ADGRB3: variants seen among roughly 807,000 people sequenced by gnomAD.
ADGRB3 encodes the protein brain-specific angiogenesis inhibitor 3.
A neutral mutation model predicts 193.4 loss-of-function variants in ADGRB3; 37 were observed. That is an observed-to-expected ratio of 0.19 (90% CI 0.15 to 0.25). The LOEUF (loss-of-function observed/expected upper bound fraction) is 0.25. Ranked by LOEUF, ADGRB3 falls within the 10% of genes least tolerant of loss-of-function variation. The pLI, the probability that ADGRB3 is intolerant of heterozygous loss-of-function variation, is 1.00. For synonymous variants in ADGRB3, 690 were observed against 644.2 expected, an observed-to-expected ratio of 1.07 and a Z score of -1.08; for missense variants, 1,637 against 1,852.9, an observed-to-expected ratio of 0.88 and a Z score of 2.14.
chr6:68,986,890 G>C (rs1769092090), intron 10 of ADGRB3, among the ~76,000 whole-genome samples: 1 of 152,008 alleles, frequency 6.6e-6, no homozygotes, highest in African/African-American at 2.4e-5. Flanking sequence ...ACTGTGGCTG[G>C]CAGTAGGAGG....
chr6:69,227,004 C>T (rs1766032526), intron 17 of ADGRB3, among the ~76,000 whole-genome samples: 1 of 152,180 alleles, frequency 6.6e-6, no homozygotes, highest in African/African-American at 2.4e-5. Flanking sequence ...AGGTAATAGA[C>T]TCCGTCTCTT....
intron 13 of ADGRB3, among the ~76,000 whole-genome samples, chr6:69,046,324 A>C (rs963256845): frequency 2.6e-5 from 4 of 152,342 alleles, no homozygotes; most frequent in South Asian, 4.1e-4. Flanking sequence ...GTTAAGGCAT[A>C]TAACAGTAGA....
intron 15 of ADGRB3, 124 bp from the exon 16 acceptor site, chr6:69,062,806 ATAAT>A (rs1448276307): frequency 1.5e-6 from 1 of 645,218 alleles, no homozygotes; most frequent in Non-Finnish European, 2.6e-6. Context: ...CTTTCCATGA[ATAAT>A]ACTACGATTT....
At chr6:69,320,129 A>T (rs1316634934) in intron 20 of ADGRB3, among the ~76,000 whole-genome samples, 2 of 151,462 alleles carry the variant, frequency 1.3e-5, no homozygotes, top group African/African-American at 4.8e-5. Context: ...TATAATCTAG[A>T]ATTAATCAGT....
At chr6:68,823,024 T>A (rs1395488238) in intron 3 of ADGRB3, among the ~76,000 whole-genome samples, 3 of 149,366 alleles carry the variant, frequency 2.0e-5, no homozygotes, top group Non-Finnish European at 4.5e-5. Flanking sequence ...TACTTTCAAA[T>A]AATTCACAGC....
At chr6:68,773,808 C>G (rs933864168) in intron 3 of ADGRB3, among the ~76,000 whole-genome samples, 1 of 151,914 alleles carries the variant, frequency 6.6e-6, no homozygotes, top group African/African-American at 2.4e-5. Flanking sequence ...GGGCTCATTA[C>G]GGTAGCAGCA....
intron 11 of ADGRB3, among the ~76,000 whole-genome samples, chr6:69,000,282 C>A (rs1360858605): frequency 6.6e-6 from 1 of 152,184 alleles, no homozygotes; most frequent in Non-Finnish European, 1.5e-5. Context: ...TTAACAAATA[C>A]TGAACCATTG....
chr6:68,777,682 A>C (rs550498731), intron 3 of ADGRB3, among the ~76,000 whole-genome samples: 3,869 of 151,456 alleles, frequency 0.026, 79 homozygotes, highest in African/African-American at 0.05. Flanking sequence ...AAAAAAAAAA[A>C]AAAAAACGAC....
chr6:69,181,258 G>C lies in ADGRB3; in HGVS notation c.2481-52032G>C, dbSNP rs188353360. Among the ~76,000 whole-genome samples, 122 of 151,616 alleles carry C rather than the reference G, an allele frequency of 8.0e-4. 1 individual carries two copies. The highest frequency in any genetic ancestry group is 2.7e-3 in the African/African-American group (111 of 41,280). ...TTATGCACTATCTTTCTATTTCTAA[G>C]GGCTGAAGCATGCCTCTAATCACTA... On this transcript the variant is annotated intron_variant, in intron 17 of 31. Transcript: ENST00000370598.
At chr6:69,001,131 C>T (rs1769565738) in intron 11 of ADGRB3, among the ~76,000 whole-genome samples, 1 of 152,082 alleles carries the variant, frequency 6.6e-6, no homozygotes, top group African/African-American at 2.4e-5. Context: ...GAGGTCTGAA[C>T]AACAGCAGTA....
intron 17 of ADGRB3, among the ~76,000 whole-genome samples, chr6:69,169,208 C>G (rs950888423): frequency 3.3e-5 from 5 of 152,028 alleles, no homozygotes; most frequent in African/African-American, 1.2e-4. Context: ...CAAATGCCCA[C>G]TTGTTATAAA....
In ADGRB3 at chr6:69,257,031, C is replaced by A. The variant is rs1385899133; in HGVS notation, c.2814+17805C>A. On this transcript the variant is annotated intron_variant, in intron 20 of 31. Transcript: ENST00000370598. Reference sequence around the variant, plus strand: ...TATTGATTTGTGTATTTTGAACCAGCCTTGCATCCCAGGGATGAAGCCCAC... The same window carrying A: ...TATTGATTTGTGTATTTTGAACCAGACTTGCATCCCAGGGATGAAGCCCAC... Among the ~76,000 whole-genome samples, 4 of 152,068 alleles carry A rather than the reference C, an allele frequency of 2.6e-5. No homozygotes were observed. In the South Asian group the frequency reaches 8.3e-4, roughly 32 times the overall value.
chr6:69,074,809 T>G (rs549835282), intron 16 of ADGRB3, among the ~76,000 whole-genome samples: 1 of 152,084 alleles, frequency 6.6e-6, no homozygotes, highest in Non-Finnish European at 1.5e-5. Flanking sequence ...CCTCCCAAAG[T>G]GCTGGGATTA....
At chr6:69,255,657 G>T (rs1436707544) in intron 20 of ADGRB3, among the ~76,000 whole-genome samples, 2 of 152,098 alleles carry the variant, frequency 1.3e-5, no homozygotes, top group Admixed American at 6.5e-5. Flanking sequence ...TGGGTTGCCT[G>T]TTCACTCTGA....
At chr6:69,040,369 C>CTT (rs1374531366) in intron 13 of ADGRB3, among the ~76,000 whole-genome samples, 2 of 57,468 alleles carry the variant, frequency 3.5e-5, no homozygotes, top group Non-Finnish European at 7.5e-5. Context: ...TTCTTTCTTT[C>CTT]TTTCTTTCCT....
chr6:68,722,043 T>A (rs1765593607), intron 3 of ADGRB3, among the ~76,000 whole-genome samples: 1 of 151,754 alleles, frequency 6.6e-6, no homozygotes, highest in South Asian at 2.1e-4. Flanking sequence ...TTATTCATGT[T>A]TTTTTAGTTA....
At chr6:69,073,370 A>C (rs924629049) in intron 16 of ADGRB3, among the ~76,000 whole-genome samples, 1 of 152,132 alleles carries the variant, frequency 6.6e-6, no homozygotes, top group African/African-American at 2.4e-5. Flanking sequence ...AATCCACCCA[A>C]GTGCTGGTGA....
intron 8 of ADGRB3, among the ~76,000 whole-genome samples, chr6:68,965,980 A>C (rs193118618): frequency 1.1e-4 from 16 of 152,246 alleles, no homozygotes; most frequent in African/African-American, 3.4e-4. Flanking sequence ...CATCATATAT[A>C]TCAATTAACT....
chr6:68,762,166 C>T (rs767298968), intron 3 of ADGRB3, among the ~76,000 whole-genome samples: 13 of 152,048 alleles, frequency 8.5e-5, no homozygotes, highest in Non-Finnish European at 1.6e-4. Context: ...TCTTTTTCCA[C>T]TCTTTTCTCC....
Sources: allele counts gnomAD v4.1 joint callset (sites outside exome capture counted in the v4.1 genomes callset), GRCh38; gene constraint gnomAD v4.1.1; transcripts MANE v1.5; gene names NCBI Gene and HGNC (gene_info 2026-07-23, HGNC 2026-07-21).